The following EXOC4 variants were observed in gnomAD, a reference collection of about 807,000 sequenced individuals.
EXOC4 encodes the protein SEC8-like 1.
In EXOC4, 71 loss-of-function variants were observed where a neutral mutation model predicts 107.2. That is an observed-to-expected ratio of 0.66 (90% CI 0.55 to 0.81). The LOEUF (loss-of-function observed/expected upper bound fraction) is 0.81, where lower values mean the gene tolerates loss of function less well. Ranked by LOEUF, EXOC4 falls within the 30% of genes least tolerant of loss-of-function variation. EXOC4 has a pLI of 0.00. For missense variants in EXOC4, 1,108 were observed against 1,189.6 expected, an observed-to-expected ratio of 0.93 and a Z score of 1.01; for synonymous variants, 456 against 441.2, an observed-to-expected ratio of 1.03 and a Z score of -0.42.
intron 13 of EXOC4, among the ~76,000 whole-genome samples, chr7:133,933,516 T>C (rs1387376834): frequency 6.6e-6 from 1 of 152,178 alleles, no homozygotes; most frequent in African/African-American, 2.4e-5. Context: ...CTGAAGACAA[T>C]GTTAATTTGC....
At chr7:133,481,243 A>G (rs1360417894) in intron 9 of EXOC4, among the ~76,000 whole-genome samples, 1 of 152,068 alleles carries the variant, frequency 6.6e-6, no homozygotes, top group Non-Finnish European at 1.5e-5. Flanking sequence ...ACACACACAC[A>G]CGTCAATAAC....
At chr7:133,459,315 A>T (rs942767975) in intron 7 of EXOC4, among the ~76,000 whole-genome samples, 1 of 152,162 alleles carries the variant, frequency 6.6e-6, no homozygotes, top group African/African-American at 2.4e-5. Context: ...TCCTCATCCC[A>T]TTGGATGTTC....
chr7:134,099,768 G>A, the EXOC4 span, among the ~76,000 whole-genome samples: 3 of 151,900 alleles, frequency 2.0e-5, no homozygotes, highest in Admixed American at 1.3e-4. Context: ...GTGCGATGGC[G>A]AAATCTCAGT....
At chr7:133,697,577 A>G (rs73724713) in intron 10 of EXOC4, among the ~76,000 whole-genome samples, 2,737 of 152,280 alleles carry the variant, frequency 0.018, 78 homozygotes, top group African/African-American at 0.062. Flanking sequence ...CTTGTTAAAG[A>G]TGGTGAGGGA....
intron 10 of EXOC4, among the ~76,000 whole-genome samples, chr7:133,641,854 G>C (rs937767776): frequency 3.9e-5 from 6 of 152,298 alleles, no homozygotes; most frequent in South Asian, 2.1e-4. Flanking sequence ...AGGTTCGATA[G>C]AGGTGCATCA....
intron 14 of EXOC4, among the ~76,000 whole-genome samples, chr7:133,955,272 G>A (rs955556593): frequency 6.6e-6 from 1 of 152,222 alleles, no homozygotes; most frequent in African/African-American, 2.4e-5. Context: ...GAGACCTGCA[G>A]TGGGTAACTC....
intron 5 of EXOC4, among the ~76,000 whole-genome samples, chr7:133,326,488 G>C (rs906905814): frequency 6.6e-6 from 1 of 152,206 alleles, no homozygotes; most frequent in African/African-American, 2.4e-5. Flanking sequence ...GACCCTGTTT[G>C]CCTGGGTATC....
chr7:134,003,635 T>C (rs1794578445), intron 15 of EXOC4, among the ~76,000 whole-genome samples: 1 of 152,106 alleles, frequency 6.6e-6, no homozygotes, highest in South Asian at 2.1e-4. Context: ...CGGTGAACCT[T>C]CCATGCAAGG....
intron 17 of EXOC4, among the ~76,000 whole-genome samples, chr7:134,026,270 T>C (rs985236570): frequency 2.0e-5 from 3 of 151,444 alleles, no homozygotes; most frequent in Admixed American, 2.0e-4. Flanking sequence ...GATGGCAAAG[T>C]AGTAGCCCAG....
chr7:133,784,249 T>C (rs931448949), intron 10 of EXOC4, among the ~76,000 whole-genome samples: 5 of 152,188 alleles, frequency 3.3e-5, no homozygotes, highest in Admixed American at 6.5e-5. Flanking sequence ...TATTGAACTC[T>C]TGTGATTAAG....
At chr7:133,982,770 A>C (rs1794021222) in intron 14 of EXOC4, among the ~76,000 whole-genome samples, 1 of 152,152 alleles carries the variant, frequency 6.6e-6, no homozygotes, top group South Asian at 2.1e-4. Context: ...TCTTCCAAAT[A>C]GTATAATATA....
chr7:133,503,235 T>C (rs1340858752), intron 9 of EXOC4, among the ~76,000 whole-genome samples: 1 of 152,084 alleles, frequency 6.6e-6, no homozygotes, highest in Non-Finnish European at 1.5e-5. Flanking sequence ...GGTTTCTCTA[T>C]TTAAATAAGG....
chr7:133,253,395 C>T lies in EXOC4; in HGVS notation c.86+208C>T, dbSNP rs1191289929. The T allele has an allele frequency of 5.3e-6, 7 of 1,326,074 alleles. No homozygotes were observed. The African/African-American group carries it at 7.5e-5, about 14-fold the overall frequency. The allele number at this position is 1,326,074 out of a possible 1,614,324, so 82.1% of individuals were successfully genotyped here. ...CTGGGGTTAGCTATAGAGAGAGGAG[C>T]CCCGCCTCAGTCTTTTCTTTAGGGG... On this transcript the variant is annotated intron_variant, in intron 1 of 17. Transcript: ENST00000253861.
At chr7:133,938,919 CAGCCTCCCGAGT>C (rs1427775005) in intron 14 of EXOC4, among the ~76,000 whole-genome samples, 1 of 152,224 alleles carries the variant, frequency 6.6e-6, no homozygotes, top group Non-Finnish European at 1.5e-5. Context: ...TCTCATGCTT[CAGCCTCCCGAGT>C]AGCTGGGATT....
At chr7:133,975,717 A>G (rs750890474) in intron 14 of EXOC4, among the ~76,000 whole-genome samples, 1 of 149,022 alleles carries the variant, frequency 6.7e-6, no homozygotes. Flanking sequence ...CAAACATTCA[A>G]TGACAAGGTA....
chr7:133,900,821 T>G (rs1277697577), intron 12 of EXOC4, among the ~76,000 whole-genome samples: 1 of 152,212 alleles, frequency 6.6e-6, no homozygotes, highest in Admixed American at 6.5e-5. Flanking sequence ...GTATTTATGG[T>G]GATTTTTGTA....
chr7:133,253,223 G>A (rs770728055), intron 1 of EXOC4, 36 bp downstream of exon 1: 68 of 1,603,234 alleles, frequency 4.2e-5, no homozygotes, highest in Non-Finnish European at 5.7e-5. Flanking sequence ...GGGGACTGGG[G>A]GCAGCGGCTC....
chr7:133,811,934 T>A (rs1315193281), intron 10 of EXOC4, among the ~76,000 whole-genome samples: 1 of 152,206 alleles, frequency 6.6e-6, no homozygotes, highest in Non-Finnish European at 1.5e-5. Flanking sequence ...TCAATAAATA[T>A]TTCCTACAAG....
intron 10 of EXOC4, among the ~76,000 whole-genome samples, chr7:133,710,655 G>A (rs1455526667): frequency 1.2e-4 from 15 of 124,722 alleles, no homozygotes; most frequent in African/African-American, 3.4e-4. Flanking sequence ...GTGAGACTCT[G>A]TCTCAGAAAA....
Sources: allele counts gnomAD v4.1 joint callset (sites outside exome capture counted in the v4.1 genomes callset), GRCh38; gene constraint gnomAD v4.1.1; transcripts MANE v1.5; gene names NCBI Gene and HGNC (gene_info 2026-07-23, HGNC 2026-07-21).